Variants in GGCX observed in about 807,000 individuals in gnomAD.
GGCX encodes the protein gamma-glutamyl carboxylase.
In GGCX, 63 loss-of-function variants were observed where a neutral mutation model predicts 88.5. The ratio of observed to expected loss-of-function variants is 0.71; its 90% CI spans 0.58 to 0.88. The LOEUF is 0.88. GGCX is among the 40% of genes least tolerant of loss of function. GGCX has a pLI of 0.00. For synonymous variants in GGCX, 368 were observed against 365.8 expected, an observed-to-expected ratio of 1.01 and a Z score of -0.07; for missense variants, 805 against 932.9, an observed-to-expected ratio of 0.86 and a Z score of 1.79.
intron 4 of GGCX, among the ~76,000 whole-genome samples, chr2:85,557,141 A>C (rs1413416893): frequency 1.3e-5 from 2 of 152,184 alleles, no homozygotes; most frequent in African/African-American, 2.4e-5. Flanking sequence ...CAAAAAACAT[A>C]AAATGTGAAC....
chr2:85,558,437 T>C lies in GGCX; in HGVS notation c.539+3A>G. The stretch of plus-strand genomic sequence containing the variant: ...CCTCCCCTTTGTCCCCCCTGACTCA[T>C]ACCAGTAGTGGTTTGCATCCATGAA... On this transcript the variant is annotated splice_donor_region_variant and intron_variant, in intron 4 of 14. Coordinates refer to ENST00000233838, the MANE Select transcript of GGCX (RefSeq NM_000821.7). The C allele has an allele frequency of 6.2e-7, 1 of 1,613,130 alleles. No individual in the cohort carries two copies. The highest frequency in any genetic ancestry group is 1.7e-5 in the Admixed American group (1 of 60,020).
Position 85,559,038 on chromosome 2 carries a change from C to G in GGCX, c.252G>C (p.Gly84=). The G allele has an allele frequency of 6.2e-7, 1 of 1,613,970 alleles. No individual in the cohort carries two copies. The highest frequency in any genetic ancestry group is 8.5e-7 in the Non-Finnish European group (1 of 1,179,820). Residue 84 remains glycine, a synonymous_variant, in exon 3 of 15, where the codon GGG becomes GGC. Transcript: ENST00000233838. ...LMVLDIPQER[G]LSSLDRKYLD... is the part of the protein sequence containing the mutation. ...GGTATTTCCGGTCCAGAGAGCTGAG[C>G]CCCCGCTCCTGGGGAATGTCTAGCA...
rs1462146725 is a variant in GGCX at position 85,551,921 on chromosome 2, G to A, written c.1500C>T (p.Ser500=). 5 of 1,613,580 alleles carry A rather than the reference G, an allele frequency of 3.1e-6. No homozygotes were observed. Among genetic ancestry groups the A allele is most frequent in the Non-Finnish European group, 4.2e-6 (5 of 1,179,494 alleles). The part of the protein sequence containing the change: ...QAAWSPFQRT[S]WVQPLLMDLS... ...GGTCCATCAAGAGTGGTTGCACCCA[G>A]GATGTGCGCTGAAAGGGTGACCAAG... Residue 500 remains serine, a synonymous_variant, in exon 11 of 15, where the codon TCC becomes TCT. Transcript: ENST00000233838.
Position 85,547,425 on chromosome 2 carries a change from T to C in GGCX, c.*2509A>G, listed in dbSNP as rs1017080594. 9.2e-5 allele frequency: 14 copies of C among 152,218 alleles called. No homozygotes were observed. The highest frequency in any genetic ancestry group is 2.9e-4 in the African/African-American group (12 of 41,458). The allele number at this position is 152,218 out of a possible 1,614,324, so 9.4% of individuals were successfully genotyped here. On this transcript the variant is annotated 3_prime_UTR_variant, in exon 15 of 15. Transcript: ENST00000233838. Reference sequence around the variant, plus strand: ...AGTATTTACATGACCACTTTTTCTTTACACCTCACCCTACCCCAATATCTT... The same window carrying C: ...AGTATTTACATGACCACTTTTTCTTCACACCTCACCCTACCCCAATATCTT...
At chr2:85,551,450 T>C (rs1232827730) in intron 12 of GGCX, 30 bp downstream of exon 12, 27 of 1,611,684 alleles carry the variant, frequency 1.7e-5, no homozygotes, top group Non-Finnish European at 2.3e-5. Context: ...CACTCAGTTC[T>C]TTCTGCTGTT....
Position 85,550,102 on chromosome 2 carries a change from A to T in GGCX, c.2109T>A (p.Leu703=). 6.2e-7 allele frequency: 1 copy of T among 1,613,780 alleles called. No individual in the cohort carries two copies. Among genetic ancestry groups the T allele is most frequent in the Non-Finnish European group, 8.5e-7 (1 of 1,179,696 alleles). Residue 703 remains leucine, a synonymous_variant, in exon 15 of 15, where the codon CTT becomes CTA. Coordinates refer to ENST00000233838, the MANE Select transcript of GGCX (RefSeq NM_000821.7). Reference sequence around the variant, plus strand: ...AAGGACGGCCTAATATCAGATTTCGAAGTGAGATACAAGTCATCAGGAAGC... The same window carrying T: ...AAGGACGGCCTAATATCAGATTTCGTAGTGAGATACAAGTCATCAGGAAGC... ...RRSFLMTCIS[L]RNLILGRPSL...
In GGCX at chr2:85,556,952, T is replaced by C. The variant is rs80020169; in HGVS notation, c.540-692A>G. Among the ~76,000 whole-genome samples the C allele has an allele frequency of 6.3e-3, 954 of 152,316 alleles. 10 individuals are homozygous for C. The highest frequency in any genetic ancestry group is 0.022 in the African/African-American group (915 of 41,566). On this transcript the variant is annotated intron_variant, in intron 4 of 14. Transcript: ENST00000233838. ...AGGCAAATTCTTCACTCGTCAATAA[T>C]ACTTAGCTTCTTTATCTTTAAAATG...
Position 85,544,894 on chromosome 2 carries a change from G to GT in GGCX, c.*5039dup, listed in dbSNP as rs1453427925. 1 of 152,544 alleles carries GT rather than the reference G, an allele frequency of 6.6e-6. No individual in the cohort carries two copies. Among genetic ancestry groups the GT allele is most frequent in the Non-Finnish European group, 1.5e-5 (1 of 68,018 alleles). 9.4% of individuals were successfully genotyped at this position (152,544 alleles called of 1,614,324 possible). A position where few individuals can be genotyped will look rare whatever the true frequency, so the allele number is the denominator to read the frequency against. Reference sequence around the variant, plus strand: ...TATTTATTGTATTCTGGGGTATGGCGTAAGTACAGAGAAGCCATCACCTCA... The same window carrying GT: ...TATTTATTGTATTCTGGGGTATGGCGTTAAGTACAGAGAAGCCATCACCTCA... On this transcript the variant is annotated 3_prime_UTR_variant, in exon 15 of 15. Transcript: ENST00000233838.
At position 85,554,271 on chromosome 2, in the gene GGCX, A is replaced by G. The variant is rs779311385; in HGVS notation, c.761T>C (p.Val254Ala). 1.1e-5 allele frequency: 17 copies of G among 1,614,120 alleles called. No individual in the cohort carries two copies. The highest frequency in any genetic ancestry group is 1.4e-5 in the Non-Finnish European group (16 of 1,179,970). The change falls in exon 7 of 15, where the codon GTC becomes GCC. Residue 254 changes from valine (V) to alanine (A), a missense_variant. Around this residue, in one of 3 missense-constraint regions of GGCX, gnomAD observed 680 missense variants for 763.7 expected, o/e 0.89. Coordinates refer to ENST00000233838, the MANE Select transcript of GGCX (RefSeq NM_000821.7). ...LLSEELTSLL[V>A]VHWGGLLLDL... is the part of the protein sequence containing the mutation. ...AAGCAGCAGCCCACCCCAGTGCACG[A>G]CCAGCAGGCTAGTCAGCTCCTCAGA...
At position 85,555,562 on chromosome 2, in the gene GGCX, A is replaced by T. The variant is rs1429934550; in HGVS notation, c.647T>A (p.Val216Glu). Residue 216 changes from valine (V) to glutamate (E), a missense_variant, in exon 6 of 15, where the codon GTG becomes GAG. Transcript: ENST00000233838. ...AACCCAGTCTGCATCCAGCTTTTTCACACCCGCAATGAAGTACACAATGAA... is the reference window on the plus strand; with the variant it reads ...AACCCAGTCTGCATCCAGCTTTTTCTCACCCGCAATGAAGTACACAATGAA... ...QIFIVYFIAG[V>E]KKLDADWVEG... 2 of 1,596,960 alleles carry T rather than the reference A, an allele frequency of 1.3e-6. No homozygotes were observed. The highest frequency in any genetic ancestry group is 8.6e-7 in the Non-Finnish European group (1 of 1,164,504).
chr2:85,556,323 C>G, intron 4 of GGCX, 63 bp from the exon 5 acceptor site: 1 of 970,232 alleles, frequency 1.0e-6, no homozygotes, highest in South Asian at 1.3e-5. Context: ...CTCCATCCTT[C>G]CTTTTATACA....
Position 85,550,756 on chromosome 2 carries a change from CG to C in GGCX, c.1889-7del, listed in dbSNP as rs1318680063. 29 of 1,612,892 alleles carry C rather than the reference CG, an allele frequency of 1.8e-5. No individual in the cohort carries two copies. Among genetic ancestry groups the C allele is most frequent in the Non-Finnish European group, 2.2e-5 (26 of 1,179,742 alleles). Reference sequence around the variant, plus strand: ...TGGGGGTAGAGGCCCTGTTTCTGCCCGGAAGACAGAAAAAAGAGGAATCACT... The same window carrying C: ...TGGGGGTAGAGGCCCTGTTTCTGCCCGAAGACAGAAAAAAGAGGAATCACT... On this transcript the variant is annotated splice_region_variant and splice_polypyrimidine_tract_variant and intron_variant, in intron 13 of 14. Coordinates refer to ENST00000233838, the MANE Select transcript of GGCX (RefSeq NM_000821.7).
Position 85,551,620 on chromosome 2 carries a change from C to CAACA in GGCX, c.1610-14_1610-11dup. ...TTCTCCAAGTGCAGTCCTGCCAGACCAACAGAGTTCATCATCCCACCCCAT... is the reference window on the plus strand; with the variant it reads ...TTCTCCAAGTGCAGTCCTGCCAGACCAACAAACAGAGTTCATCATCCCACCCCAT... On this transcript the variant is annotated splice_polypyrimidine_tract_variant and intron_variant, in intron 11 of 14. Coordinates refer to ENST00000233838, the MANE Select transcript of GGCX (RefSeq NM_000821.7). 1 of 1,612,976 alleles carries CAACA rather than the reference C, an allele frequency of 6.2e-7. No individual in the cohort carries two copies. Among genetic ancestry groups the CAACA allele is most frequent in the East Asian group, 2.2e-5 (1 of 44,892 alleles).
At position 85,550,615 on chromosome 2, in the gene GGCX, G is replaced by T; in HGVS notation, c.2024C>A (p.Thr675Asn). 1 of 1,614,042 alleles carries T rather than the reference G, an allele frequency of 6.2e-7. No homozygotes were observed. The highest frequency in any genetic ancestry group is 8.5e-7 in the Non-Finnish European group (1 of 1,179,888). The change falls in exon 14 of 15, where the codon ACT (threonine) becomes AAT (asparagine). Residue 675 changes from threonine (T) to asparagine (N), a missense_variant. By Grantham distance (65) the Thr-to-Asn change is moderately conservative. This residue lies in a region of GGCX where 680 missense variants were observed against 763.7 expected (regional missense o/e 0.89). Transcript: ENST00000233838. ...GCGGAAGAATCGCTCATGGAAAGGA[G>T]TATTTCGCCGGCGTTCAATCTCCTG... ...RLQEIERRRN[T>N]PFHERFFRFL...
At chr2:85,552,778 C>T in intron 9 of GGCX, 161 bp downstream of exon 9, 1 of 887,656 alleles carries the variant, frequency 1.1e-6, no homozygotes, top group Non-Finnish European at 1.9e-6. Flanking sequence ...GAATGCATTG[C>T]CCTATCTCAA....
At position 85,552,964 on chromosome 2, in the gene GGCX, C is replaced by G; in HGVS notation, c.1262G>C (p.Gly421Ala). 1.2e-6 allele frequency: 2 copies of G among 1,614,216 alleles called. No individual in the cohort carries two copies. The change falls in exon 9 of 15, where the codon GGC becomes GCC. Residue 421 changes from glycine (G) to alanine (A), a missense_variant. This residue lies in a region of GGCX where 680 missense variants were observed against 763.7 expected (regional missense o/e 0.89). Transcript: ENST00000233838. ...VKITYRDGRT[G>A]ELGYLNPGVF... ...CCCAGGGTTAAGGTAGCCCAGTTCG[C>G]CAGTGCGGCCATCACGGTAGGTGAT...
rs928737982 is a variant in GGCX at position 85,549,424 on chromosome 2, C to T, written c.*510G>A. The T allele has an allele frequency of 4.0e-4, 67 of 169,026 alleles. No individual in the cohort carries two copies. Among genetic ancestry groups the T allele is most frequent in the African/African-American group, 1.5e-3 (61 of 41,496 alleles). 10.5% of individuals were successfully genotyped at this position (169,026 alleles called of 1,614,324 possible). A position where few individuals can be genotyped will look rare whatever the true frequency, so the allele number is the denominator to read the frequency against. ...TCTGTTGCCCAGGAGTGCAGTGGCTCGATCTCGGCTCACTGCAACCTCCAC... is the reference window on the plus strand; with the variant it reads ...TCTGTTGCCCAGGAGTGCAGTGGCTTGATCTCGGCTCACTGCAACCTCCAC... On this transcript the variant is annotated 3_prime_UTR_variant, in exon 15 of 15. Transcript: ENST00000233838.
At chr2:85,559,866 A>G (rs1692358279) in intron 2 of GGCX, among the ~76,000 whole-genome samples, 1 of 152,196 alleles carries the variant, frequency 6.6e-6, no homozygotes, top group Non-Finnish European at 1.5e-5. Flanking sequence ...GCTTGAGATA[A>G]AGCAGGGTTT....
chr2:85,556,486 T>C (rs1372820134), intron 4 of GGCX, among the ~76,000 whole-genome samples: 1 of 152,212 alleles, frequency 6.6e-6, no homozygotes, highest in East Asian at 1.9e-4. Flanking sequence ...CAGTATTTCT[T>C]GTTAGCTCCC....
Sources: allele counts gnomAD v4.1 joint callset (sites outside exome capture counted in the v4.1 genomes callset), GRCh38; gene constraint gnomAD v4.1.1; regional missense constraint gnomAD v4.1.1; transcripts MANE v1.5; gene names NCBI Gene and HGNC (gene_info 2026-07-23, HGNC 2026-07-21).